The following ATP9A variants were observed in gnomAD, a reference collection of about 807,000 sequenced individuals.
The protein encoded by ATP9A is ATPase phospholipid transporting 9A.
Under a neutral mutation model 144.1 loss-of-function variants are expected in ATP9A, and 52 were observed. The observed-to-expected ratio is 0.36, with a 90% CI of 0.29 to 0.45. The LOEUF (loss-of-function observed/expected upper bound fraction) is 0.45, where lower values mean the gene tolerates loss of function less well. ATP9A is among the 20% of genes least tolerant of loss of function. The pLI is 1.00. For missense variants in ATP9A, 947 were observed against 1,392.7 expected (o/e 0.68, Z 5.09); for synonymous variants, 582 against 557.4 (o/e 1.04, Z -0.62).
intron 1 of ATP9A, among the ~76,000 whole-genome samples, chr20:51,759,916 C>T (rs1244448384): frequency 1.3e-5 from 2 of 152,242 alleles, no homozygotes; most frequent in East Asian, 3.9e-4. Context: ...CTAATGGATG[C>T]GTGCAGTGTA....
At chr20:51,642,725 C>CAAAAA (rs2077324975) in intron 14 of ATP9A, among the ~76,000 whole-genome samples, 2 of 65,596 alleles carry the variant, frequency 3.0e-5, no homozygotes, top group African/African-American at 6.6e-5. Context: ...GACTCTGTCT[C>CAAAAA]CAAAAAAAAA....
intron 7 of ATP9A, among the ~76,000 whole-genome samples, chr20:51,692,240 C>T (rs796351981): frequency 7.2e-5 from 11 of 152,190 alleles, no homozygotes; most frequent in South Asian, 4.1e-4. Context: ...ACGGTTAGGA[C>T]GATAGATTTT....
At chr20:51,715,611 A>T (rs922340989) in intron 3 of ATP9A, among the ~76,000 whole-genome samples, 1 of 152,042 alleles carries the variant, frequency 6.6e-6, no homozygotes, top group Non-Finnish European at 1.5e-5. Context: ...CCACCTCCTA[A>T]ATTATCACGT....
At chr20:51,738,505 A>T (rs2077771888) in intron 1 of ATP9A, among the ~76,000 whole-genome samples, 1 of 149,944 alleles carries the variant, frequency 6.7e-6, no homozygotes, top group South Asian at 2.2e-4. Flanking sequence ...GGAGTTCACG[A>T]CCAGCCTTGC....
At position 51,638,071 on chromosome 20, in the gene ATP9A, T is replaced by TTATATATATATA. The variant is rs56043552; in HGVS notation, c.1668+1260_1668+1271dup. ...CATGGCTAAGTAGCATTTCATCATTTTATATATATATATATATATATATAT... is the reference window on the plus strand; with the variant it reads ...CATGGCTAAGTAGCATTTCATCATTTTATATATATATATATATATATATATATATATATATAT... On this transcript the variant is annotated intron_variant, in intron 15 of 27. Transcript: ENST00000338821. Among the ~76,000 whole-genome samples, 113 of 34,056 alleles carry TTATATATATATA rather than the reference T, an allele frequency of 3.3e-3. 7 individuals are homozygous for TTATATATATATA. The highest frequency in any genetic ancestry group is 6.4e-3 in the East Asian group (3 of 472). 22.3% of individuals were successfully genotyped at this position (34,056 alleles called of 152,430 possible). A position where few individuals can be genotyped will look rare whatever the true frequency, so the allele number is the denominator to read the frequency against.
chr20:51,619,585 G>GCT (rs2077218075), intron 19 of ATP9A, among the ~76,000 whole-genome samples: 1 of 146,418 alleles, frequency 6.8e-6, no homozygotes, highest in Non-Finnish European at 1.5e-5. Flanking sequence ...AAGGGGGGGG[G>GCT]GGGCCAGGTA....
At chr20:51,615,380 T>C (rs955775183) in intron 22 of ATP9A, among the ~76,000 whole-genome samples, 33 of 152,338 alleles carry the variant, frequency 2.2e-4, no homozygotes, top group South Asian at 6.2e-4. Flanking sequence ...TGGCTCTGTA[T>C]GCTCTCATGT....
At chr20:51,687,950 G>T (rs1485412842) in intron 9 of ATP9A, among the ~76,000 whole-genome samples, 3 of 152,160 alleles carry the variant, frequency 2.0e-5, no homozygotes, top group South Asian at 4.1e-4. Flanking sequence ...ATACTATTAA[G>T]TTAATGATAT....
rs748284530 is a variant in ATP9A at position 51,600,847 on chromosome 20, A to ACACAC, written c.*363_*364insGTGTG. 2 of 145,432 alleles carry ACACAC rather than the reference A, an allele frequency of 1.4e-5. No homozygotes were observed. The highest frequency in any genetic ancestry group is 2.8e-5 in the Non-Finnish European group (2 of 71,122). 9.0% of individuals were successfully genotyped at this position (145,432 alleles called of 1,614,324 possible). On this transcript the variant is annotated 3_prime_UTR_variant, in exon 28 of 28. Coordinates refer to ENST00000338821, the MANE Select transcript of ATP9A (RefSeq NM_006045.3). ...ACACACACACACACACACACACACA[A>ACACAC]GCCTTCTACAACCTTCAGCTACACA...
At position 51,639,346 on chromosome 20, in the gene ATP9A, C is replaced by T. The variant is rs148364847; in HGVS notation, c.1665G>A (p.Val555=). 6 of 1,611,668 alleles carry T rather than the reference C, an allele frequency of 3.7e-6. No homozygotes were observed. Among genetic ancestry groups the T allele is most frequent in the East Asian group, 2.2e-5 (1 of 44,808 alleles). Residue 555 remains valine (V), a synonymous_variant, in exon 15 of 28, where the codon GTG becomes GTA. Transcript: ENST00000338821. ...TYESKRMGII[V]RDESTGEITF... is the part of the protein sequence containing the mutation. The stretch of plus-strand genomic sequence containing the variant: ...GCCATGAATAAAAACGACTCACCCG[C>T]ACGATGATGCCCATACGTTTGCTTT...
intron 5 of ATP9A, among the ~76,000 whole-genome samples, chr20:51,696,567 A>T (rs1322986529): frequency 6.6e-6 from 1 of 152,148 alleles, no homozygotes; most frequent in East Asian, 1.9e-4. Context: ...GGATTTTAAT[A>T]AGGAAGGAAA....
At chr20:51,686,722 G>A (rs373851200) in intron 9 of ATP9A, among the ~76,000 whole-genome samples, 2 of 152,262 alleles carry the variant, frequency 1.3e-5, no homozygotes, top group East Asian at 3.9e-4. Context: ...ATCACCTGAG[G>A]TCAGGAGTTC....
Position 51,614,130 on chromosome 20 carries a change from A to C in ATP9A, c.2416-298T>G, listed in dbSNP as rs199789129. 1.2e-4 allele frequency among the ~76,000 whole-genome samples: 18 copies of C among 152,346 alleles called. No homozygotes were observed. In the East Asian group the frequency reaches 3.5e-3, roughly 29 times the overall value. ...GTAGCAAAGAATCATTTAAAAATAG[A>C]TATTTTAAAACATTCAGTTCCCTTA... On this transcript the variant is annotated intron_variant, in intron 22 of 27. Coordinates refer to ENST00000338821, the MANE Select transcript of ATP9A (RefSeq NM_006045.3).
At chr20:51,686,910 GGGCC>G (rs2077525521) in intron 9 of ATP9A, among the ~76,000 whole-genome samples, 1 of 145,870 alleles carries the variant, frequency 6.9e-6, no homozygotes, top group Non-Finnish European at 1.5e-5. Flanking sequence ...ACTCCAGCCT[GGGCC>G]ACAGAGGGAC....
At chr20:51,676,852 C>T (rs1017362930) in intron 9 of ATP9A, among the ~76,000 whole-genome samples, 1 of 149,870 alleles carries the variant, frequency 6.7e-6, no homozygotes, top group African/African-American at 2.5e-5. Flanking sequence ...CTGACTTCAA[C>T]TGATCCATCT....
At chr20:51,688,739 T>A (rs1196503328) in intron 9 of ATP9A, among the ~76,000 whole-genome samples, 2 of 152,086 alleles carry the variant, frequency 1.3e-5, no homozygotes, top group Non-Finnish European at 1.5e-5. Context: ...CGACATACCC[T>A]ACAAACACAG....
intron 6 of ATP9A, among the ~76,000 whole-genome samples, chr20:51,694,442 C>T (rs1391946651): frequency 1.3e-5 from 2 of 152,204 alleles, no homozygotes; most frequent in Non-Finnish European, 1.5e-5. Context: ...CACAGGTTGA[C>T]CAGCATTCCG....
chr20:51,687,989 A>G (rs772809889), intron 9 of ATP9A, among the ~76,000 whole-genome samples: 2 of 152,238 alleles, frequency 1.3e-5, no homozygotes, highest in African/African-American at 4.8e-5. Flanking sequence ...TGATGGCTAC[A>G]CAGTAAGTTC....
In ATP9A at chr20:51,619,575, AAG is replaced by A. The variant is rs745430036; in HGVS notation, c.2116-534_2116-533del. On this transcript the variant is annotated intron_variant, in intron 19 of 27. Transcript: ENST00000338821. ...CAAGACTCGTCTTTTAAAAAAAAAAAAGGGGGGGGGGGGCCAGGTACGGTGGC... is the reference window on the plus strand; with the variant it reads ...CAAGACTCGTCTTTTAAAAAAAAAAAGGGGGGGGGGGCCAGGTACGGTGGC... 9.5e-3 allele frequency among the ~76,000 whole-genome samples: 1,107 copies of A among 116,544 alleles called. 15 individuals are homozygous for A. Among genetic ancestry groups the A allele is most frequent in the African/African-American group, 0.026 (838 of 31,662 alleles). 76.5% of individuals were successfully genotyped at this position (116,544 alleles called of 152,430 possible). A position where few individuals can be genotyped will look rare whatever the true frequency, so the allele number is the denominator to read the frequency against.
Sources: allele counts gnomAD v4.1 joint callset (sites outside exome capture counted in the v4.1 genomes callset), GRCh38; gene constraint gnomAD v4.1.1; transcripts MANE v1.5; gene names NCBI Gene and HGNC (gene_info 2026-07-23, HGNC 2026-07-21).